ZNF16: variants seen among roughly 807,000 people sequenced by gnomAD.
ZNF16 encodes the protein zinc finger protein KOX9.
A neutral mutation model predicts 9.0 loss-of-function variants in ZNF16; 7 were observed. The observed-to-expected ratio is 0.78, with a 90% CI of 0.44 to 1.47. The LOEUF (loss-of-function observed/expected upper bound fraction) is 1.47, where lower values mean the gene tolerates loss of function less well. Ranked by LOEUF, ZNF16 falls within the 40% of genes most tolerant of loss-of-function variation. The probability of loss-of-function intolerance (pLI) is 0.01; values close to 1 mark genes in which losing one functional copy is unlikely to be tolerated. For synonymous variants in ZNF16, 312 were observed against 301.5 expected (o/e 1.03, Z -0.36); for missense variants, 830 against 854.2 (o/e 0.97, Z 0.35).
At chr8:144,945,569 G>C (rs567891563) in intron 2 of ZNF16, 1 of 154,730 alleles carries the variant, frequency 6.5e-6, no homozygotes, top group Non-Finnish European at 1.4e-5. Context: ...CACCACACCC[G>C]GGCCAAGGGT....
intron 2 of ZNF16, among the ~76,000 whole-genome samples, chr8:144,941,386 A>G (rs142305777): frequency 1.2e-3 from 182 of 152,224 alleles, no homozygotes; most frequent in African/African-American, 4.2e-3. Flanking sequence ...TATTCTCTGC[A>G]TGGAATATTT....
In ZNF16 at chr8:144,931,116, G is replaced by A. The variant is rs760371121; in HGVS notation, c.1671C>T (p.Ser557=). ...TCCTCTGATGCTGAATGAGGGTTGAGCTCTGGCTGAAGGTTTTTCCACATT... is the reference window on the plus strand; with the variant it reads ...TCCTCTGATGCTGAATGAGGGTTGAACTCTGGCTGAAGGTTTTTCCACATT... ...CTECGKTFSQ[S]STLIQHQRIH... Residue 557 remains serine (S), a synonymous_variant, in exon 3 of 3, where the codon AGC becomes AGT. Coordinates refer to ENST00000394909, the MANE Select transcript of ZNF16 (RefSeq NM_006958.3). The A allele has an allele frequency of 1.1e-5, 17 of 1,614,124 alleles. No individual in the cohort carries two copies. The highest frequency in any genetic ancestry group is 1.6e-4 in the Middle Eastern group (1 of 6,084).
rs141943530 is a variant in ZNF16, at chr8:144,942,408, C to T, written c.196+3603G>A. On this transcript the variant is annotated intron_variant, in intron 2 of 2. Coordinates refer to ENST00000394909, the MANE Select transcript of ZNF16 (RefSeq NM_006958.3). ...GTTCAAGCAATTCTCCTGCTTCAGC[C>T]TCCTGAGTAGCTGGGATTACAGGTG... Among the ~76,000 whole-genome samples the T allele has an allele frequency of 6.6e-3, 1,010 of 152,132 alleles. 13 individuals carry two copies. The highest frequency in any genetic ancestry group is 0.023 in the African/African-American group (945 of 41,496).
intron 2 of ZNF16, among the ~76,000 whole-genome samples, chr8:144,937,828 ATTTT>A: frequency 1.1e-5 from 1 of 88,322 alleles, no homozygotes; most frequent in African/African-American, 3.6e-5. Context: ...ACAACTGGCT[ATTTT>A]TTTTTTGTAT....
chr8:144,941,022 T>C (rs1833785126), intron 2 of ZNF16, among the ~76,000 whole-genome samples: 1 of 152,070 alleles, frequency 6.6e-6, no homozygotes, highest in Non-Finnish European at 1.5e-5. Flanking sequence ...TTTCAAGATA[T>C]GACTGGAGAG....
chr8:144,931,119 C>G lies in ZNF16; in HGVS notation c.1668G>C (p.Gln556His). 1 of 1,614,216 alleles carries G rather than the reference C, an allele frequency of 6.2e-7. No homozygotes were observed. Among genetic ancestry groups the G allele is most frequent in the Non-Finnish European group, 8.5e-7 (1 of 1,180,034 alleles). ...ECTECGKTFS[Q>H]SSTLIQHQRI... Reference sequence around the variant, plus strand: ...TCTGATGCTGAATGAGGGTTGAGCTCTGGCTGAAGGTTTTTCCACATTCAG... The same window carrying G: ...TCTGATGCTGAATGAGGGTTGAGCTGTGGCTGAAGGTTTTTCCACATTCAG... Residue 556 changes from glutamine (Q) to histidine (H), a missense_variant, in exon 3 of 3, where the codon CAG becomes CAC. Gln to His is a conservative substitution (Grantham distance 24, BLOSUM62 0). Coordinates refer to ENST00000394909, the MANE Select transcript of ZNF16 (RefSeq NM_006958.3).
intron 2 of ZNF16, chr8:144,944,865 T>C (rs1482122736): frequency 6.6e-6 from 1 of 152,238 alleles, no homozygotes; most frequent in East Asian, 1.9e-4. Flanking sequence ...TAGCTTGTGT[T>C]CAACCAGTGT....
rs28874661 is a variant in ZNF16, at chr8:144,937,442, C to T, written c.197-4852G>A. Among the ~76,000 whole-genome samples the T allele has an allele frequency of 3.0e-3, 459 of 152,108 alleles. 3 individuals carry two copies. Among genetic ancestry groups the T allele is most frequent in the African/African-American group, 0.011 (445 of 41,490 alleles). On this transcript the variant is annotated intron_variant, in intron 2 of 2. Coordinates refer to ENST00000394909, the MANE Select transcript of ZNF16 (RefSeq NM_006958.3). ...AGCCACCACACCTGGCTTCTTTTCA[C>T]GTTCTTGATAATATATTTTGATATT...
chr8:144,941,506 A>G (rs1221551040), intron 2 of ZNF16, among the ~76,000 whole-genome samples: 1 of 152,138 alleles, frequency 6.6e-6, no homozygotes, highest in Non-Finnish European at 1.5e-5. Context: ...TTTTGACTGG[A>G]GACTTCACAT....
chr8:144,949,195 G>A (rs565006012), intron 1 of ZNF16, among the ~76,000 whole-genome samples: 51 of 152,236 alleles, frequency 3.4e-4, no homozygotes, highest in Non-Finnish European at 5.6e-4. Flanking sequence ...GGCCCTGGCC[G>A]ATCCCTCAGC....
chr8:144,931,611 C>A lies in ZNF16; in HGVS notation c.1176G>T (p.Leu392=). The change falls in exon 3 of 3, where the codon CTG becomes CTT. Residue 392 remains leucine (L), a synonymous_variant. Coordinates refer to ENST00000394909, the MANE Select transcript of ZNF16 (RefSeq NM_006958.3). The part of the protein sequence containing the change: ...CGKAFSQSAH[L]RKHQRVHTGE... ...CAGTGTGGACCCTCTGGTGCTTCCT[C>A]AGGTGTGCACTCTGGCTGAAGGCTT... The A allele has an allele frequency of 6.2e-7, 1 of 1,613,736 alleles. No homozygotes were observed. The highest frequency in any genetic ancestry group is 8.5e-7 in the Non-Finnish European group (1 of 1,179,914).
intron 1 of ZNF16, among the ~76,000 whole-genome samples, chr8:144,946,636 T>A (rs1428092220): frequency 8.5e-6 from 1 of 117,500 alleles, no homozygotes; most frequent in South Asian, 2.9e-4. Flanking sequence ...TGGGCCTGTG[T>A]CCTGCTGTTG....
At chr8:144,945,953 T>C in intron 2 of ZNF16, 58 bp downstream of exon 2, 1 of 1,602,588 alleles carries the variant, frequency 6.2e-7, no homozygotes, top group Non-Finnish European at 8.5e-7. Context: ...AGCACAGGGT[T>C]CCATGGACAT....
Position 144,930,888 on chromosome 8 carries a change from C to A in ZNF16, c.1899G>T (p.Glu633Asp). 6.2e-7 allele frequency: 1 copy of A among 1,609,224 alleles called. No homozygotes were observed. The highest frequency in any genetic ancestry group is 8.5e-7 in the Non-Finnish European group (1 of 1,177,438). Residue 633 changes from glutamate (E) to aspartate (D), a missense_variant, in exon 3 of 3, where the codon GAG (glutamate) becomes GAT (aspartate). Glu to Asp is a conservative substitution (Grantham distance 45). Transcript: ENST00000394909. The stretch of plus-strand genomic sequence containing the variant: ...AACGCTGACTGAAGGCTTTCCCACA[C>A]TCACTGCATTTGTAGGGGCGCTCGC... ...HTGERPYKCS[E>D]CGKAFSQRSV...
intron 1 of ZNF16, among the ~76,000 whole-genome samples, chr8:144,947,329 T>A (rs1441698906): frequency 6.8e-5 from 9 of 132,908 alleles, no homozygotes; most frequent in Middle Eastern, 4.5e-3. Flanking sequence ...CGGGCCTGTA[T>A]CCTGCTGTGG....
At chr8:144,936,745 G>A (rs1212319990) in intron 2 of ZNF16, among the ~76,000 whole-genome samples, 1 of 144,302 alleles carries the variant, frequency 6.9e-6, no homozygotes, top group Non-Finnish European at 1.5e-5. Flanking sequence ...ATTTATTTAT[G>A]AGACAGAGTC....
At position 144,932,335 on chromosome 8, in the gene ZNF16, T is replaced by G. The variant is rs773441938; in HGVS notation, c.452A>C (p.Lys151Thr). The change falls in exon 3 of 3, where the codon AAA (lysine) becomes ACA (threonine). Residue 151 changes from lysine to threonine, a missense_variant. Coordinates refer to ENST00000394909, the MANE Select transcript of ZNF16 (RefSeq NM_006958.3). This position sits in a 1 kb window ranked among gnomAD's most constrained non-coding sequence, Gnocchi z 5.0. ...MGLLRGPLGE[K>T]DLDCNGFDSR... Reference sequence around the variant, plus strand: ...GTCAAAACCATTACAGTCCAGATCTTTCTCCCCTAAGGGGCCCCTAAGGAG... The same window carrying G: ...GTCAAAACCATTACAGTCCAGATCTGTCTCCCCTAAGGGGCCCCTAAGGAG... 6.2e-7 allele frequency: 1 copy of G among 1,614,162 alleles called. No homozygotes were observed. Among genetic ancestry groups the G allele is most frequent in the Admixed American group, 1.7e-5 (1 of 60,032 alleles).
At position 144,931,091 on chromosome 8, in the gene ZNF16, T is replaced by A; in HGVS notation, c.1696A>T (p.Ile566Phe). The A allele has an allele frequency of 6.2e-7, 1 of 1,614,204 alleles. No homozygotes were observed. Residue 566 changes from isoleucine (I) to phenylalanine (F), a missense_variant, in exon 3 of 3, where the codon ATT (isoleucine) becomes TTT (phenylalanine). Coordinates refer to ENST00000394909, the MANE Select transcript of ZNF16 (RefSeq NM_006958.3). ...QSSTLIQHQR[I>F]HNGLKPHECN... is the part of the protein sequence containing the mutation. ...TCATGGGGCTTCAGCCCATTATGAA[T>A]CCTCTGATGCTGAATGAGGGTTGAG...
rs1174118037 is a variant in ZNF16 at position 144,932,348 on chromosome 8, G to GGCCCCTAAGGA, written c.428_438dup (p.Pro147SerfsTer6). On this transcript the variant is annotated frameshift_variant, in exon 3 of 3. Coordinates refer to ENST00000394909, the MANE Select transcript of ZNF16 (RefSeq NM_006958.3). LOFTEE classifies it low-confidence loss of function (END_TRUNC). This position sits in a 1 kb window ranked among gnomAD's most constrained non-coding sequence, Gnocchi z 5.0. ...CAGTCCAGATCTTTCTCCCCTAAGG[G>GGCCCCTAAGGA]GCCCCTAAGGAGCCCCATGGCAGCT... The GGCCCCTAAGGA allele has an allele frequency of 6.2e-7, 1 of 1,613,960 alleles. No homozygotes were observed. Among genetic ancestry groups the GGCCCCTAAGGA allele is most frequent in the Non-Finnish European group, 8.5e-7 (1 of 1,180,008 alleles).
Sources: allele counts gnomAD v4.1 joint callset (sites outside exome capture counted in the v4.1 genomes callset), GRCh38; gene constraint gnomAD v4.1.1; non-coding constraint Gnocchi (gnomAD v3.1); transcripts MANE v1.5; gene names NCBI Gene and HGNC (gene_info 2026-07-23, HGNC 2026-07-21).